The following LZTFL1 variants were observed in gnomAD, a reference collection of about 807,000 sequenced individuals.
The protein encoded by LZTFL1 is leucine zipper transcription factor like 1.
LZTFL1 carries 25 observed loss-of-function variants against 45.9 expected under a neutral mutation model. The ratio of observed to expected loss-of-function variants is 0.54; its 90% CI spans 0.40 to 0.76. The LOEUF (loss-of-function observed/expected upper bound fraction) is 0.76, where lower values mean the gene tolerates loss of function less well. LZTFL1 is among the 30% of genes least tolerant of loss of function. The pLI is 0.00. For synonymous variants in LZTFL1, 93 were observed against 117.4 expected, an observed-to-expected ratio of 0.79 and a Z score of 1.35; for missense variants, 277 against 331.1, an observed-to-expected ratio of 0.84 and a Z score of 1.27.
At chr3:45,867,698 G>T (rs1383452202) in intron 2 of LZTFL1, among the ~76,000 whole-genome samples, 1 of 152,040 alleles carries the variant, frequency 6.6e-6, no homozygotes, top group African/African-American at 2.4e-5. Context: ...CAAAAAATTA[G>T]CTGGGCACAG....
At chr3:45,839,014 G>A (rs955439527) in intron 1 of LZTFL1, among the ~76,000 whole-genome samples, 3 of 152,222 alleles carry the variant, frequency 2.0e-5, no homozygotes, top group Non-Finnish European at 4.4e-5. Flanking sequence ...TCACACATTA[G>A]TATGGGCAAG....
chr3:45,873,653 G>A (rs1041901479), intron 2 of LZTFL1, among the ~76,000 whole-genome samples: 3 of 151,734 alleles, frequency 2.0e-5, no homozygotes, highest in Admixed American at 6.6e-5. Context: ...CTCTCCCCTC[G>A]ATAAAGCTCA....
At chr3:45,887,859 G>T (rs1364262849) in intron 2 of LZTFL1, among the ~76,000 whole-genome samples, 1 of 152,188 alleles carries the variant, frequency 6.6e-6, no homozygotes, top group East Asian at 1.9e-4. Context: ...ACCCTGCCTC[G>T]TGTAGGGAAC....
At chr3:45,868,839 C>T (rs1701621756) in intron 2 of LZTFL1, among the ~76,000 whole-genome samples, 1 of 152,174 alleles carries the variant, frequency 6.6e-6, no homozygotes, top group Non-Finnish European at 1.5e-5. Context: ...AGGCCTTCTC[C>T]CCACACCTCC....
At chr3:45,863,746 C>T (rs1701533604) in intron 2 of LZTFL1, among the ~76,000 whole-genome samples, 1 of 152,100 alleles carries the variant, frequency 6.6e-6, no homozygotes, top group Admixed American at 6.6e-5. Flanking sequence ...CGGCCACTGG[C>T]CAAGCAGCTG....
intron 2 of LZTFL1, among the ~76,000 whole-genome samples, chr3:45,862,677 G>A (rs1701509914): frequency 1.3e-5 from 2 of 152,224 alleles, no homozygotes; most frequent in South Asian, 4.1e-4. Flanking sequence ...AGAAAGTAAT[G>A]GCTTTGGAGG....
intron 5 of LZTFL1, among the ~76,000 whole-genome samples, chr3:45,831,348 C>A (rs917696396): frequency 6.6e-6 from 1 of 152,138 alleles, no homozygotes; most frequent in Non-Finnish European, 1.5e-5. Flanking sequence ...CATCTAGTTT[C>A]TTTTCTTTCA....
At chr3:45,828,856 C>T (rs1700739767) in intron 7 of LZTFL1, among the ~76,000 whole-genome samples, 1 of 152,028 alleles carries the variant, frequency 6.6e-6, no homozygotes, top group South Asian at 2.1e-4. Context: ...CACTGAATTC[C>T]AAATACATAA....
At chr3:45,910,476 G>A (rs1029725395) in intron 2 of LZTFL1, among the ~76,000 whole-genome samples, 6 of 152,204 alleles carry the variant, frequency 3.9e-5, no homozygotes, top group Non-Finnish European at 8.8e-5. Context: ...TGGTAGCCAT[G>A]AGCATGGGAA....
chr3:45,858,707 A>G (rs1174578295), intron 3 of LZTFL1, among the ~76,000 whole-genome samples: 1 of 152,100 alleles, frequency 6.6e-6, no homozygotes, highest in Admixed American at 6.6e-5. Context: ...AAAGATAGAG[A>G]ATTTTGTTAA....
intron 2 of LZTFL1, among the ~76,000 whole-genome samples, chr3:45,896,872 T>G (rs903739917): frequency 6.6e-6 from 1 of 152,240 alleles, no homozygotes; most frequent in Non-Finnish European, 1.5e-5. Context: ...GTCCCTGCCC[T>G]TTCTCTGTCC....
chr3:45,829,178 A>G (rs1329994346), intron 7 of LZTFL1, among the ~76,000 whole-genome samples: 1 of 152,232 alleles, frequency 6.6e-6, no homozygotes, highest in Non-Finnish European at 1.5e-5. Flanking sequence ...TTTGACAACT[A>G]TAGCATAAGA....
chr3:45,876,738 C>A (rs561749301), intron 2 of LZTFL1, among the ~76,000 whole-genome samples: 20 of 152,268 alleles, frequency 1.3e-4, no homozygotes, highest in Admixed American at 1.3e-3. Context: ...GACACCAAAG[C>A]CTGTGATCCT....
intron 2 of LZTFL1, among the ~76,000 whole-genome samples, chr3:45,882,389 G>A (rs887515999): frequency 2.0e-5 from 3 of 152,184 alleles, no homozygotes; most frequent in African/African-American, 7.2e-5. Flanking sequence ...TCAATGAAAA[G>A]TAGAAAGACA....
intron 5 of LZTFL1, among the ~76,000 whole-genome samples, 197 bp from the exon 6 acceptor site, chr3:45,831,335 A>C (rs1700811795): frequency 2.0e-5 from 3 of 152,320 alleles, no homozygotes; most frequent in East Asian, 3.9e-4. Flanking sequence ...TTTGGATCTA[A>C]GACATCTAGT....
In LZTFL1 at chr3:45,838,060, G is replaced by C. The variant is rs754223339; in HGVS notation, c.4-9C>G. ...TTTAGGCCCAACTCTGCCTGAAAAAGAAAGAGGTAATTTAATTGTTAGTTT... is the reference window on the plus strand; with the variant it reads ...TTTAGGCCCAACTCTGCCTGAAAAACAAAGAGGTAATTTAATTGTTAGTTT... On this transcript the variant is annotated splice_polypyrimidine_tract_variant and intron_variant, in intron 1 of 9. Coordinates refer to ENST00000296135, the MANE Select transcript of LZTFL1 (RefSeq NM_020347.4). 1 of 1,583,932 alleles carries C rather than the reference G, an allele frequency of 6.3e-7. No individual in the cohort carries two copies. The highest frequency in any genetic ancestry group is 1.9e-5 in the Admixed American group (1 of 52,030).
chr3:45,866,631 T>C (rs1251007706), intron 2 of LZTFL1, among the ~76,000 whole-genome samples: 1 of 152,224 alleles, frequency 6.6e-6, no homozygotes, highest in African/African-American at 2.4e-5. Flanking sequence ...TAAAAGTTCT[T>C]TGAAAACATA....
At chr3:45,886,824 T>C (rs1469863837) in intron 2 of LZTFL1, among the ~76,000 whole-genome samples, 1 of 152,204 alleles carries the variant, frequency 6.6e-6, no homozygotes, top group East Asian at 1.9e-4. Flanking sequence ...GAATTGGTGA[T>C]GCCCAACCCA....
intron 2 of LZTFL1, chr3:45,903,365 A>G (rs1702615548): frequency 6.6e-6 from 1 of 152,514 alleles, no homozygotes; most frequent in Non-Finnish European, 1.5e-5. Flanking sequence ...TAAAACCATC[A>G]TGGCTGACAA....
Sources: allele counts gnomAD v4.1 joint callset (sites outside exome capture counted in the v4.1 genomes callset), GRCh38; gene constraint gnomAD v4.1.1; transcripts MANE v1.5; gene names NCBI Gene and HGNC (gene_info 2026-07-23, HGNC 2026-07-21).